Variants in RGS7 observed in about 807,000 individuals in gnomAD.
RGS7 encodes regulator of G protein signaling 7, also known as regulator of G-protein signaling 7.
A neutral mutation model predicts 81.1 loss-of-function variants in RGS7; 27 were observed. The observed-to-expected ratio is 0.33, with a 90% confidence interval of 0.25 to 0.46. The LOEUF is 0.46. RGS7 is among the 20% of genes least tolerant of loss of function. RGS7 has a pLI of 1.00. For missense variants in RGS7, 396 were observed against 607.4 expected, an observed-to-expected ratio of 0.65 and a Z score of 3.66; for synonymous variants, 208 against 207.7, an observed-to-expected ratio of 1.00 and a Z score of -0.01.
At chr1:241,072,159 G>A (rs2062509356) in intron 3 of RGS7, among the ~76,000 whole-genome samples, 1 of 152,020 alleles carries the variant, frequency 6.6e-6, no homozygotes, top group African/African-American at 2.4e-5. Context: ...GCCAGGTGGA[G>A]GTAAAAGCTA....
chr1:241,209,742 T>C lies in RGS7; in HGVS notation c.79-110980A>G, dbSNP rs188257351. On this transcript the variant is annotated intron_variant, in intron 2 of 18. Transcript: ENST00000440928. ...GTCCCAGCTACTCAGGAGGCTGAGG[T>C]GGGAGGATTGCTTGAGCCTGGGAGA... 6.2e-3 allele frequency among the ~76,000 whole-genome samples: 938 copies of C among 152,038 alleles called. 10 individuals carry two copies. Among genetic ancestry groups the C allele is most frequent in the African/African-American group, 0.021 (891 of 41,476 alleles).
intron 9 of RGS7, among the ~76,000 whole-genome samples, chr1:240,837,781 A>G (rs1432452869): frequency 6.6e-6 from 1 of 152,232 alleles, no homozygotes. Flanking sequence ...TGCTATTGTT[A>G]GTACTGGTGA....
chr1:240,992,913 C>T (rs763748862), intron 3 of RGS7, among the ~76,000 whole-genome samples: 11 of 149,872 alleles, frequency 7.3e-5, no homozygotes, highest in Middle Eastern at 3.5e-3. Context: ...TACTCAGGAA[C>T]CTGAGGCAGG....
intron 11 of RGS7, among the ~76,000 whole-genome samples, chr1:240,815,900 G>A (rs944052251): frequency 6.6e-6 from 1 of 152,228 alleles, no homozygotes; most frequent in Admixed American, 6.5e-5. Context: ...CAGAAAGCGA[G>A]AGTAAGCACT....
chr1:241,109,479 C>T (rs2065364070), intron 2 of RGS7, among the ~76,000 whole-genome samples: 1 of 151,972 alleles, frequency 6.6e-6, no homozygotes. Flanking sequence ...TATTTATTAA[C>T]ATAAATATCA....
intron 9 of RGS7, among the ~76,000 whole-genome samples, chr1:240,867,274 C>T (rs1363198485): frequency 2.0e-5 from 3 of 152,140 alleles, no homozygotes; most frequent in African/African-American, 7.2e-5. Flanking sequence ...CTATTTTGGT[C>T]TGACTCTGAA....
intron 3 of RGS7, among the ~76,000 whole-genome samples, chr1:241,045,838 T>C (rs888190773): frequency 3.3e-5 from 5 of 152,164 alleles, no homozygotes; most frequent in African/African-American, 9.7e-5. Flanking sequence ...CTTTAAAGTA[T>C]TTCAAGAGAG....
chr1:241,277,996 T>A (rs2078285982), intron 2 of RGS7, among the ~76,000 whole-genome samples: 1 of 152,234 alleles, frequency 6.6e-6, no homozygotes. Flanking sequence ...TCTTCCATAT[T>A]TACCATTGAA....
chr1:241,063,700 A>C (rs1227005996), intron 3 of RGS7, among the ~76,000 whole-genome samples: 1 of 151,752 alleles, frequency 6.6e-6, no homozygotes, highest in East Asian at 1.9e-4. Context: ...CCATCCATCC[A>C]TTTGGCTAAC....
At chr1:240,833,688 G>A (rs1694221336) in intron 9 of RGS7, among the ~76,000 whole-genome samples, 2 of 152,118 alleles carry the variant, frequency 1.3e-5, no homozygotes, top group Admixed American at 1.3e-4. Context: ...AAAACTGCAT[G>A]CATGATCCAT....
chr1:241,282,468 T>G (rs922718549), intron 2 of RGS7, among the ~76,000 whole-genome samples: 5 of 152,122 alleles, frequency 3.3e-5, no homozygotes, highest in Admixed American at 6.5e-5. Context: ...GTTCTAAGAG[T>G]TTTTATGTAT....
chr1:241,274,798 A>G (rs74492890), intron 2 of RGS7, among the ~76,000 whole-genome samples: 7 of 152,168 alleles, frequency 4.6e-5, no homozygotes, highest in East Asian at 1.9e-4. Context: ...ATGATTGACT[A>G]TGGAAAACTG....
At chr1:241,279,144 T>G (rs115570581) in intron 2 of RGS7, among the ~76,000 whole-genome samples, 56 of 151,316 alleles carry the variant, frequency 3.7e-4, no homozygotes, top group Non-Finnish European at 7.5e-4. Flanking sequence ...TAATATAACA[T>G]ATAACTTTAT....
intron 2 of RGS7, among the ~76,000 whole-genome samples, chr1:241,145,831 A>T (rs549118904): frequency 6.6e-6 from 1 of 152,242 alleles, no homozygotes; most frequent in Non-Finnish European, 1.5e-5. Flanking sequence ...TTTAATGAAC[A>T]GTTCTGATGG....
intron 18 of RGS7, among the ~76,000 whole-genome samples, chr1:240,786,814 A>G (rs1212264206): frequency 1.3e-5 from 2 of 152,242 alleles, no homozygotes; most frequent in African/African-American, 2.4e-5. Context: ...ACATTCCAAC[A>G]GTAGATATGT....
At chr1:241,250,763 A>G (rs972263432) in intron 2 of RGS7, among the ~76,000 whole-genome samples, 13 of 152,232 alleles carry the variant, frequency 8.5e-5, no homozygotes, top group Non-Finnish European at 4.4e-5. Flanking sequence ...ATAAAATCTG[A>G]TAACTAAACA....
At chr1:240,885,679 A>G (rs1286374299) in intron 6 of RGS7, among the ~76,000 whole-genome samples, 3 of 152,178 alleles carry the variant, frequency 2.0e-5, no homozygotes, top group Non-Finnish European at 2.9e-5. Context: ...TCTCACTTAT[A>G]AGTGGGAGCT....
chr1:241,084,922 C>T (rs2063344109), intron 3 of RGS7, among the ~76,000 whole-genome samples: 3 of 152,334 alleles, frequency 2.0e-5, no homozygotes, highest in African/African-American at 7.2e-5. Flanking sequence ...TTGGCTCCTG[C>T]CAATTAGTTC....
intron 2 of RGS7, among the ~76,000 whole-genome samples, chr1:241,258,229 C>T (rs919237051): frequency 1.3e-5 from 2 of 152,084 alleles, no homozygotes; most frequent in African/African-American, 4.8e-5. Context: ...TCAATAATCT[C>T]AGTGAAACCC....
Sources: gnomAD v4.1 joint callset for allele counts (sites outside exome capture counted in the v4.1 genomes callset) on GRCh38, gnomAD v4.1.1 for gene constraint, MANE v1.5 for transcripts, NCBI Gene and HGNC (gene_info 2026-07-23, HGNC 2026-07-21) for gene names.